IQCM: variants seen among roughly 807,000 people sequenced by gnomAD.
The protein encoded by IQCM is IQ motif containing M.
In IQCM, 45 loss-of-function variants were observed where a neutral mutation model predicts 57.6. The observed-to-expected ratio is 0.78, with a 90% CI of 0.62 to 1.00. The LOEUF is 1.00. IQCM is among the 50% of genes least tolerant of loss of function. The pLI is 0.00. For missense variants in IQCM, 468 were observed against 511.6 expected, an observed-to-expected ratio of 0.91 and a Z score of 0.82; for synonymous variants, 148 against 158.9, an observed-to-expected ratio of 0.93 and a Z score of 0.51.
chr4:149,432,233 A>G (rs1374397653), intron 13 of IQCM, among the ~76,000 whole-genome samples: 1 of 151,904 alleles, frequency 6.6e-6, no homozygotes, highest in Non-Finnish European at 1.5e-5. Flanking sequence ...AGATTAAAAA[A>G]TTATCTTAGC....
chr4:149,439,430 A>G (rs1162097364), intron 12 of IQCM, among the ~76,000 whole-genome samples: 1 of 152,106 alleles, frequency 6.6e-6, no homozygotes, highest in Non-Finnish European at 1.5e-5. Flanking sequence ...ATAGAAACAC[A>G]TATCATATCA....
At chr4:149,459,777 T>A (rs1358441860) in intron 12 of IQCM, among the ~76,000 whole-genome samples, 1 of 152,196 alleles carries the variant, frequency 6.6e-6, no homozygotes, top group Non-Finnish European at 1.5e-5. Context: ...CCTTTCTTTT[T>A]AAGGCTGAAT....
At chr4:149,701,685 G>A (rs1763783895) in intron 5 of IQCM, among the ~76,000 whole-genome samples, 2 of 151,856 alleles carry the variant, frequency 1.3e-5, no homozygotes, top group South Asian at 4.1e-4. Flanking sequence ...TTTGCTATAT[G>A]TGGGTGCCAA....
intron 12 of IQCM, among the ~76,000 whole-genome samples, chr4:149,460,449 A>AG (rs1738154517): frequency 6.6e-6 from 1 of 152,192 alleles, no homozygotes; most frequent in South Asian, 2.1e-4. Flanking sequence ...GAAACAGATG[A>AG]GGACATATAT....
chr4:149,799,627 C>G (rs948770189), intron 2 of IQCM, among the ~76,000 whole-genome samples: 1 of 151,342 alleles, frequency 6.6e-6, no homozygotes, highest in African/African-American at 2.4e-5. Context: ...GAAGTAAAAT[C>G]GGAGATGAGA....
At chr4:149,772,865 T>C (rs1331920113) in intron 2 of IQCM, among the ~76,000 whole-genome samples, 1 of 152,184 alleles carries the variant, frequency 6.6e-6, no homozygotes, top group Non-Finnish European at 1.5e-5. Flanking sequence ...TTAAACACTT[T>C]GTGTATAAAC....
chr4:149,608,032 A>G (rs1304667925), intron 8 of IQCM, among the ~76,000 whole-genome samples: 1 of 151,882 alleles, frequency 6.6e-6, no homozygotes, highest in African/African-American at 2.4e-5. Flanking sequence ...CAAGAAAGTC[A>G]CTTCACCTAT....
chr4:149,703,112 T>C (rs1763890733), intron 5 of IQCM, among the ~76,000 whole-genome samples: 1 of 151,956 alleles, frequency 6.6e-6, no homozygotes, highest in African/African-American at 2.4e-5. Flanking sequence ...ACACCAAATG[T>C]GCAAAACTGT....
intron 12 of IQCM, among the ~76,000 whole-genome samples, chr4:149,531,108 C>A (rs1746702043): frequency 6.6e-6 from 1 of 151,892 alleles, no homozygotes; most frequent in Non-Finnish European, 1.5e-5. Flanking sequence ...TACTCAGGAG[C>A]AGAAATGATA....
intron 13 of IQCM, among the ~76,000 whole-genome samples, chr4:149,411,142 C>CTGT (rs1466937897): frequency 3.9e-4 from 59 of 152,194 alleles, no homozygotes; most frequent in African/African-American, 1.4e-3. Flanking sequence ...TGCAATATCC[C>CTGT]TGAAATTTAT....
chr4:149,388,544 A>C (rs1731598896), intron 13 of IQCM, among the ~76,000 whole-genome samples: 1 of 133,788 alleles, frequency 7.5e-6, no homozygotes, highest in African/African-American at 2.7e-5. Flanking sequence ...TATATTATAT[A>C]TAATATATAT....
intron 12 of IQCM, among the ~76,000 whole-genome samples, chr4:149,444,430 G>A (rs993032049): frequency 1.3e-5 from 2 of 151,764 alleles, no homozygotes; most frequent in Non-Finnish European, 2.9e-5. Flanking sequence ...CCTCTGTTTT[G>A]TGCATGATAT....
At chr4:149,450,666 C>T (rs1168225828) in intron 12 of IQCM, among the ~76,000 whole-genome samples, 1 of 151,762 alleles carries the variant, frequency 6.6e-6, no homozygotes, top group Non-Finnish European at 1.5e-5. Flanking sequence ...AAGATATAAT[C>T]TCATCTTAGA....
chr4:149,472,123 C>A (rs980615610), intron 12 of IQCM, among the ~76,000 whole-genome samples: 28 of 152,054 alleles, frequency 1.8e-4, no homozygotes, highest in African/African-American at 6.5e-4. Flanking sequence ...CTGGCCAGGG[C>A]AATCAGGCAA....
At chr4:149,367,593 T>A (rs967058719) in intron 13 of IQCM, among the ~76,000 whole-genome samples, 2 of 152,058 alleles carry the variant, frequency 1.3e-5, no homozygotes, top group Admixed American at 6.6e-5. Context: ...GTGCCCAGTT[T>A]TACCAACTAA....
intron 12 of IQCM, among the ~76,000 whole-genome samples, chr4:149,495,189 T>C (rs1742527397): frequency 6.6e-6 from 1 of 152,142 alleles, no homozygotes; most frequent in Admixed American, 6.6e-5. Flanking sequence ...TTTAAGTTTC[T>C]TATATATTCC....
intron 12 of IQCM, among the ~76,000 whole-genome samples, chr4:149,459,006 A>G (rs1225597040): frequency 6.6e-6 from 1 of 152,174 alleles, no homozygotes; most frequent in Non-Finnish European, 1.5e-5. Context: ...CAGCACCACT[A>G]GGTTATAGTG....
chr4:149,387,089 AAAC>A (rs934588472), intron 13 of IQCM, among the ~76,000 whole-genome samples: 1 of 152,038 alleles, frequency 6.6e-6, no homozygotes. Flanking sequence ...TGTAACTTAT[AAAC>A]AACAGAAATC....
At chr4:149,713,518 A>G (rs1167221550) in intron 5 of IQCM, among the ~76,000 whole-genome samples, 2 of 152,220 alleles carry the variant, frequency 1.3e-5, no homozygotes, top group Admixed American at 6.5e-5. Flanking sequence ...TTATCCAGTA[A>G]TCATCCTCCA....
Sources: gnomAD v4.1 joint callset for allele counts (sites outside exome capture counted in the v4.1 genomes callset) on GRCh38, gnomAD v4.1.1 for gene constraint, MANE v1.5 for transcripts, NCBI Gene and HGNC (gene_info 2026-07-23, HGNC 2026-07-21) for gene names.